The following PMS2 variants were observed in gnomAD, a reference collection of about 807,000 sequenced individuals.
The protein encoded by PMS2 is PMS1 homolog 2, mismatch repair system component.
PMS2 carries 69 observed loss-of-function variants against 90.0 expected under a neutral mutation model. The ratio of observed to expected loss-of-function variants is 0.77; its 90% CI spans 0.63 to 0.94. The LOEUF (loss-of-function observed/expected upper bound fraction) is 0.94. PMS2 is among the 40% of genes least tolerant of loss of function. PMS2 has a pLI of 0.00. For missense variants in PMS2, 966 were observed against 1,040.2 expected (o/e 0.93, Z 0.98); for synonymous variants, 332 against 375.1 (o/e 0.89, Z 1.33).
Position 5,972,618 on chromosome 7 carries a change from G to C in PMS2, c.*781C>G, listed in dbSNP as rs1253293477. ...CAAATAGTGACCCCTGTCCCATCCA[G>C]TCATTTTCTTCCAGCCGGGCAGAGA... On this transcript the variant is annotated 3_prime_UTR_variant, in exon 15 of 15. Transcript: ENST00000265849. Among the ~76,000 whole-genome samples the C allele has an allele frequency of 1.4e-5, 1 of 74,048 alleles. No individual in the cohort carries two copies. The highest frequency in any genetic ancestry group is 2.6e-5 in the Non-Finnish European group (1 of 38,630). 48.6% of individuals were successfully genotyped at this position (74,048 alleles called of 152,430 possible).
intron 1 of PMS2, 55 bp downstream of exon 1, chr7:6,008,942 G>A: frequency 1.2e-6 from 2 of 1,603,846 alleles, no homozygotes; most frequent in Middle Eastern, 2.0e-4. Context: ...GAATGCCGTG[G>A]GTCTCAAAGA....
chr7:6,004,670 G>A lies in PMS2; in HGVS notation c.164-612C>T, dbSNP rs372321408. Among the ~76,000 whole-genome samples the A allele has an allele frequency of 2.7e-5, 4 of 149,684 alleles. 1 individual carries two copies. The highest frequency in any genetic ancestry group is 4.9e-5 in the African/African-American group (2 of 40,698). On this transcript the variant is annotated intron_variant, in intron 2 of 14. Transcript: ENST00000265849. ...GTGGAGGTTGCAGTGAGCCGAGATC[G>A]TGCCATTGCACTATAGCCTGGGCAA...
At position 6,005,881 on chromosome 7, in the gene PMS2, C is replaced by T. The variant is rs777038213; in HGVS notation, c.163+11G>A. ...ATCATTTCTTGTGGCTTAAAACTCT[C>T]CCAAACTTACCAATATTAGTGGCAC... is the stretch of plus-strand genomic sequence containing the variant. On this transcript the variant is annotated intron_variant, in intron 2 of 14. Transcript: ENST00000265849. The T allele has an allele frequency of 6.2e-7, 1 of 1,610,770 alleles. No homozygotes were observed. The highest frequency in any genetic ancestry group is 8.5e-7 in the Non-Finnish European group (1 of 1,179,820).
At chr7:6,002,256 C>T (rs1312668909) in intron 5 of PMS2, 197 bp downstream of exon 5, 2 of 546,630 alleles carry the variant, frequency 3.7e-6, no homozygotes, top group Non-Finnish European at 6.5e-6. Flanking sequence ...TCCTAATAAA[C>T]ACTATGTGAT....
At chr7:5,998,201 C>A (rs1429935196) in intron 6 of PMS2, among the ~76,000 whole-genome samples, 1 of 151,008 alleles carries the variant, frequency 6.6e-6, no homozygotes, top group Non-Finnish European at 1.5e-5. Flanking sequence ...CCTGCCTCAG[C>A]CTCCTGAGTA....
chr7:5,996,364 G>A (rs1784387445), intron 7 of PMS2, among the ~76,000 whole-genome samples: 1 of 151,860 alleles, frequency 6.6e-6, no homozygotes, highest in Non-Finnish European at 1.5e-5. Flanking sequence ...GACCAGCCTG[G>A]GCAACATGGC....
At chr7:6,004,140 T>C in intron 2 of PMS2, 82 bp from the exon 3 acceptor site, 3 of 800,076 alleles carry the variant, frequency 3.7e-6, no homozygotes, top group South Asian at 3.0e-5. Flanking sequence ...TTATAACATA[T>C]GCAAATTTAA....
At chr7:6,008,820 C>G (rs1173183827) in intron 1 of PMS2, among the ~76,000 whole-genome samples, 177 bp downstream of exon 1, 16 of 152,290 alleles carry the variant, frequency 1.1e-4, no homozygotes, top group South Asian at 4.1e-4. Flanking sequence ...GGCCTCAAGG[C>G]GCACCCAAGG....
rs1784810588 is a variant in PMS2 at position 5,999,197 on chromosome 7, G to C, written c.616C>G (p.Leu206Val). The C allele has an allele frequency of 6.2e-7, 1 of 1,613,890 alleles. No homozygotes were observed. Among genetic ancestry groups the C allele is most frequent in the African/African-American group, 1.3e-5 (1 of 74,900 alleles). The change falls in exon 6 of 15, where the codon CTT becomes GTT. Residue 206 changes from leucine to valine, a missense_variant. Leu to Val is a conservative substitution (Grantham distance 32). Transcript: ENST00000265849. ...AGIRVSCTNQ[L>V]GQGKRQPVVC... ...ACAGGCTGTCGTTTTCCTTGTCCAA[G>C]CTGATTGGTGCAACTTACACGGATG... is the stretch of plus-strand genomic sequence containing the variant.
intron 5 of PMS2, among the ~76,000 whole-genome samples, chr7:6,001,195 A>C (rs1366876307): frequency 5.3e-5 from 8 of 152,012 alleles, no homozygotes; most frequent in Non-Finnish European, 1.0e-4. Context: ...TCCAGCCTTT[A>C]TACTATACAC....
Position 5,993,658 on chromosome 7 carries a change from C to T in PMS2, c.904-1601G>A, listed in dbSNP as rs189936734. Among the ~76,000 whole-genome samples, 28 of 150,790 alleles carry T rather than the reference C, an allele frequency of 1.9e-4. No homozygotes were observed. In the East Asian group the frequency reaches 3.1e-3, roughly 17 times the overall value. ...CGGGTGGATCACGAGGTCAGGAGTTCGAGACCAGCCTGGCCAATGTGGTGA... is the reference window on the plus strand; with the variant it reads ...CGGGTGGATCACGAGGTCAGGAGTTTGAGACCAGCCTGGCCAATGTGGTGA... On this transcript the variant is annotated intron_variant, in intron 8 of 14. Transcript: ENST00000265849.
Position 5,989,925 on chromosome 7 carries a change from T to TTA in PMS2, c.1017_1018dup (p.Lys340IlefsTer17), listed in dbSNP as rs1247894220. The TTA allele has an allele frequency of 6.2e-7, 1 of 1,610,810 alleles. No individual in the cohort carries two copies. The highest frequency in any genetic ancestry group is 1.1e-5 in the South Asian group (1 of 90,746). ...TTCCTCTTGTAGCAAAATTTGCCTT[T>TTA]TATCTGGAGTAACATTGATATCAAC... On this transcript the variant is annotated frameshift_variant, in exon 10 of 15. Coordinates refer to ENST00000265849, the MANE Select transcript of PMS2 (RefSeq NM_000535.7). LOFTEE classifies it high-confidence loss of function.
At chr7:6,006,145 C>A in intron 1 of PMS2, 114 bp from the exon 2 acceptor site, 1 of 1,162,690 alleles carries the variant, frequency 8.6e-7, no homozygotes, top group South Asian at 1.2e-5. Flanking sequence ...CTAATCTATT[C>A]ATTTATTATA....
chr7:5,989,021 A>C (rs1783416141), intron 10 of PMS2, among the ~76,000 whole-genome samples: 1 of 151,934 alleles, frequency 6.6e-6, no homozygotes, highest in South Asian at 2.1e-4. Context: ...ACGCCCGGCT[A>C]ATTTTTTGTA....
intron 11 of PMS2, 118 bp from the exon 12 acceptor site, chr7:5,983,109 C>A (rs1782485782): frequency 1.5e-5 from 21 of 1,423,272 alleles, no homozygotes; most frequent in Non-Finnish European, 1.8e-5. Flanking sequence ...AAGTCCCTAG[C>A]CATCCCGCTT....
chr7:5,972,280 G>GGAGCC lies in PMS2; in HGVS notation c.*1114_*1118dup, dbSNP rs1781374306. ...TCTGAGGGATTCTAAAGCAGGAAGG[G>GGAGCC]GAGCCGCCCACAGTCTGGAGAAGGG... On this transcript the variant is annotated 3_prime_UTR_variant, in exon 15 of 15. Coordinates refer to ENST00000265849, the MANE Select transcript of PMS2 (RefSeq NM_000535.7). Among the ~76,000 whole-genome samples, 1 of 142,362 alleles carries GGAGCC rather than the reference G, an allele frequency of 7.0e-6. No individual in the cohort carries two copies. The highest frequency in any genetic ancestry group is 2.3e-4 in the South Asian group (1 of 4,390). 93.4% of individuals were successfully genotyped at this position (142,362 alleles called of 152,430 possible). A position where few individuals can be genotyped will look rare whatever the true frequency, so the allele number is the denominator to read the frequency against.
chr7:5,997,788 G>A (rs1220560545), intron 6 of PMS2, among the ~76,000 whole-genome samples: 2 of 152,044 alleles, frequency 1.3e-5, no homozygotes, highest in Non-Finnish European at 2.9e-5. Context: ...GGGCTCAAGC[G>A]ATTCTCCCAC....
In PMS2 at chr7:5,999,184, T is replaced by C. The variant is rs753562256; in HGVS notation, c.629A>G (p.Lys210Arg). 1.9e-6 allele frequency: 3 copies of C among 1,614,100 alleles called. No individual in the cohort carries two copies. In the South Asian group the frequency reaches 3.3e-5, roughly 18 times the overall value. The change falls in exon 6 of 15, where the codon AAA (lysine) becomes AGA (arginine). Residue 210 changes from lysine (K) to arginine (R), a missense_variant. Lys to Arg is a conservative substitution (Grantham distance 26). Coordinates refer to ENST00000265849, the MANE Select transcript of PMS2 (RefSeq NM_000535.7). ...VSCTNQLGQGKRQPVVCTGGS... is the reference protein window; with the variant it reads ...VSCTNQLGQGRRQPVVCTGGS... Reference sequence around the variant, plus strand: ...ACCTGTGCATACCACAGGCTGTCGTTTTCCTTGTCCAAGCTGATTGGTGCA... The same window carrying C: ...ACCTGTGCATACCACAGGCTGTCGTCTTCCTTGTCCAAGCTGATTGGTGCA...
chr7:5,985,414 G>C (rs1341821712), intron 11 of PMS2, among the ~76,000 whole-genome samples: 8 of 151,518 alleles, frequency 5.3e-5, no homozygotes, highest in Non-Finnish European at 1.2e-4. Context: ...GCCTGAGGAG[G>C]AAAAATGTAT....
Sources: allele counts gnomAD v4.1 joint callset (sites outside exome capture counted in the v4.1 genomes callset), GRCh38; gene constraint gnomAD v4.1.1; transcripts MANE v1.5; gene names NCBI Gene and HGNC (gene_info 2026-07-23, HGNC 2026-07-21).